HDAC9: variants seen among roughly 807,000 people sequenced by gnomAD.
HDAC9 encodes the protein histone deacetylase 9.
Under a neutral mutation model 139.4 loss-of-function variants are expected in HDAC9, and 41 were observed. That is an observed-to-expected ratio of 0.29 (90% CI 0.23 to 0.38). The LOEUF (loss-of-function observed/expected upper bound fraction) is 0.38, where lower values mean the gene tolerates loss of function less well. Ranked by LOEUF, HDAC9 falls within the 10% of genes least tolerant of loss-of-function variation. The pLI, the probability that HDAC9 is intolerant of heterozygous loss-of-function variation, is 1.00. For missense variants in HDAC9, 1,147 were observed against 1,297.0 expected (o/e 0.88, Z 1.78); for synonymous variants, 517 against 476.2 (o/e 1.09, Z -1.12).
intron 2 of HDAC9, among the ~76,000 whole-genome samples, chr7:18,565,799 AAAAG>A (rs1190509088): frequency 3.3e-5 from 5 of 152,166 alleles, no homozygotes; most frequent in African/African-American, 2.4e-5. Context: ...GTTAACCAAA[AAAAG>A]AAAGAAAGAA....
chr7:18,479,349 G>C (rs1037210271), intron 1 of HDAC9, among the ~76,000 whole-genome samples: 7 of 152,122 alleles, frequency 4.6e-5, no homozygotes, highest in African/African-American at 1.7e-4. Flanking sequence ...TTAACATAGA[G>C]TAGCAATTAT....
intron 1 of HDAC9, among the ~76,000 whole-genome samples, chr7:18,357,779 GT>G (rs925103174): frequency 7.2e-5 from 11 of 152,174 alleles, no homozygotes; most frequent in African/African-American, 2.6e-4. Flanking sequence ...AGCATGGCTT[GT>G]TGCAGAAACT....
chr7:18,873,222 A>G (rs1459321779), intron 21 of HDAC9, among the ~76,000 whole-genome samples: 5 of 152,156 alleles, frequency 3.3e-5, no homozygotes, highest in African/African-American at 9.6e-5. Context: ...ACATAATACA[A>G]TTGTGTATAG....
intron 1 of HDAC9, among the ~76,000 whole-genome samples, chr7:18,390,294 A>G (rs1585562039): frequency 6.6e-6 from 1 of 152,142 alleles, no homozygotes; most frequent in Non-Finnish European, 1.5e-5. Flanking sequence ...CCTGGAATAC[A>G]CTGAGAGAGC....
At chr7:18,470,889 A>G (rs1333826586) in intron 1 of HDAC9, among the ~76,000 whole-genome samples, 4 of 152,094 alleles carry the variant, frequency 2.6e-5, no homozygotes, top group East Asian at 1.9e-4. Flanking sequence ...TATTATTATT[A>G]TTACTTATAC....
intron 1 of HDAC9, among the ~76,000 whole-genome samples, chr7:18,392,841 C>G (rs974739956): frequency 1.3e-5 from 2 of 149,796 alleles, no homozygotes; most frequent in Admixed American, 1.3e-4. Context: ...TTCCTCTCAC[C>G]CTGTTTATTT....
At chr7:18,838,446 G>T (rs1033641592) in intron 21 of HDAC9, among the ~76,000 whole-genome samples, 2 of 151,984 alleles carry the variant, frequency 1.3e-5, no homozygotes, top group African/African-American at 4.8e-5. Flanking sequence ...CAGAGAGAGT[G>T]AACTGTGAAA....
chr7:18,824,042 G>GA (rs779807267), intron 17 of HDAC9, among the ~76,000 whole-genome samples: 18 of 105,392 alleles, frequency 1.7e-4, no homozygotes, highest in East Asian at 8.1e-4. Context: ...GGAAGAGGAA[G>GA]AGGAAGAAGA....
chr7:18,430,797 G>A (rs1055798043), intron 1 of HDAC9: 29 of 152,200 alleles, frequency 1.9e-4, no homozygotes, highest in African/African-American at 7.0e-4. Context: ...TGAGGCATGA[G>A]AATCACTTAA....
chr7:18,273,098 G>A (rs1796492934), intron 2 of HDAC9, among the ~76,000 whole-genome samples: 1 of 97,026 alleles, frequency 1.0e-5, no homozygotes, highest in South Asian at 3.4e-4. Flanking sequence ...AAGACAGGAT[G>A]TCTGTTGCCC....
At chr7:18,264,680 C>T (rs886325199) in intron 2 of HDAC9, among the ~76,000 whole-genome samples, 1 of 152,114 alleles carries the variant, frequency 6.6e-6, no homozygotes, top group Non-Finnish European at 1.5e-5. Context: ...AAGGATGACT[C>T]CTGTTAAGAC....
intron 2 of HDAC9, among the ~76,000 whole-genome samples, chr7:18,562,587 T>C (rs1307652750): frequency 6.6e-6 from 1 of 152,154 alleles, no homozygotes; most frequent in Non-Finnish European, 1.5e-5. Flanking sequence ...CTTTCTGGAT[T>C]CTAATTTCTA....
chr7:18,342,826 A>T (rs1234598228), intron 1 of HDAC9, among the ~76,000 whole-genome samples: 2 of 151,880 alleles, frequency 1.3e-5, no homozygotes, highest in African/African-American at 4.8e-5. Context: ...TTCTATTTCT[A>T]TTAAACAAGC....
At chr7:18,932,874 AAG>A (rs1804899715) in intron 22 of HDAC9, among the ~76,000 whole-genome samples, 1 of 151,928 alleles carries the variant, frequency 6.6e-6, no homozygotes, top group South Asian at 2.1e-4. Flanking sequence ...GAAAGAAAGA[AAG>A]AAAGGATGTC....
At position 18,151,297 on chromosome 7, in the gene HDAC9, T is replaced by A. The variant is rs184992474; in HGVS notation, c.-96-10932T>A. Among the ~76,000 whole-genome samples the A allele has an allele frequency of 2.4e-3, 365 of 152,314 alleles. 2 individuals carry two copies. The highest frequency in any genetic ancestry group is 0.01 in the Middle Eastern group (3 of 294). ...TCTGACACTGTAATTATATACTTAGTAATTGTTACCTTGTTTTTTCAGGTT... is the reference window on the plus strand; with the variant it reads ...TCTGACACTGTAATTATATACTTAGAAATTGTTACCTTGTTTTTTCAGGTT... On this transcript the variant is annotated intron_variant, in intron 1 of 12. Transcript: ENST00000417496.
chr7:18,571,132 T>C (rs1824139987), intron 2 of HDAC9, among the ~76,000 whole-genome samples: 1 of 152,268 alleles, frequency 6.6e-6, no homozygotes, highest in African/African-American at 2.4e-5. Context: ...GCAAGGCTTA[T>C]ATGAGCACAT....
chr7:18,104,268 A>G (rs1006692244), intron 1 of HDAC9, among the ~76,000 whole-genome samples: 14 of 152,252 alleles, frequency 9.2e-5, no homozygotes, highest in South Asian at 4.1e-4. Flanking sequence ...TTTATAAGAC[A>G]CATTAAGGGT....
At chr7:18,168,893 T>TGTGTGTGTGTG (rs1170116015) in intron 2 of HDAC9, among the ~76,000 whole-genome samples, 50 of 116,828 alleles carry the variant, frequency 4.3e-4, no homozygotes, top group African/African-American at 1.6e-3. Flanking sequence ...TTTTTTTTTT[T>TGTGTGTGTGTG]TTTTTGTGTG....
chr7:18,675,312 C>A (rs1781431414), intron 12 of HDAC9, among the ~76,000 whole-genome samples: 1 of 152,002 alleles, frequency 6.6e-6, no homozygotes, highest in Non-Finnish European at 1.5e-5. Flanking sequence ...GCAGGAGTTG[C>A]AACTCCAACT....
Sources: allele counts gnomAD v4.1 joint callset (sites outside exome capture counted in the v4.1 genomes callset), GRCh38; gene constraint gnomAD v4.1.1; transcripts MANE v1.5; gene names NCBI Gene and HGNC (gene_info 2026-07-23, HGNC 2026-07-21).